Variants in MSRA observed in about 807,000 individuals in gnomAD.
MSRA encodes mitochondrial peptide methionine sulfoxide reductase.
In MSRA, 54 loss-of-function variants were observed where a neutral mutation model predicts 31.3. The observed-to-expected ratio is 1.73, with a 90% confidence interval of 1.39 to 2.17. The LOEUF is 2.17. MSRA is among the 30% of genes most tolerant of loss of function. The pLI is 0.00. For synonymous variants in MSRA, 169 were observed against 116.5 expected, an observed-to-expected ratio of 1.45 and a Z score of -2.90; for missense variants, 507 against 300.9, an observed-to-expected ratio of 1.69 and a Z score of -5.07.
chr8:10,266,209 C>G (rs1223880561), intron 3 of MSRA, among the ~76,000 whole-genome samples: 1 of 152,226 alleles, frequency 6.6e-6, no homozygotes, highest in Non-Finnish European at 1.5e-5. Context: ...ATATTCCCAT[C>G]AGCAGTGTAC....
intron 1 of MSRA, among the ~76,000 whole-genome samples, chr8:10,084,365 C>T (rs1006928023): frequency 4.6e-5 from 7 of 152,372 alleles, no homozygotes; most frequent in Admixed American, 1.3e-4. Context: ...GACCCCTGCC[C>T]GGCTCCACTG....
intron 3 of MSRA, among the ~76,000 whole-genome samples, chr8:10,281,867 G>C (rs1404893612): frequency 6.6e-6 from 1 of 152,136 alleles, no homozygotes; most frequent in South Asian, 2.1e-4. Context: ...CAATAGTGAC[G>C]GCTTCTTAGC....
rs1809349119 is a variant in MSRA, at chr8:10,428,584, A to T, written c.*272A>T. 5.0e-6 allele frequency: 2 copies of T among 401,392 alleles called. No individual in the cohort carries two copies. The highest frequency in any genetic ancestry group is 1.3e-4 in the East Asian group (2 of 15,882). 24.9% of individuals were successfully genotyped at this position (401,392 alleles called of 1,614,324 possible). On this transcript the variant is annotated 3_prime_UTR_variant, in exon 6 of 6. Coordinates refer to ENST00000317173, the MANE Select transcript of MSRA (RefSeq NM_012331.5). ...TGAAGATAGCAGGGATGCTGTGTTC[A>T]CCCTTCTTGGTAGAAGCTAAGGTGT...
At chr8:10,141,255 A>G (rs1017270650) in intron 1 of MSRA, among the ~76,000 whole-genome samples, 2 of 152,184 alleles carry the variant, frequency 1.3e-5, no homozygotes, top group African/African-American at 4.8e-5. Context: ...CTCACGCCTT[A>G]TAATCCTCAC....
At chr8:10,177,644 C>T (rs1182192894) in intron 1 of MSRA, among the ~76,000 whole-genome samples, 4 of 152,098 alleles carry the variant, frequency 2.6e-5, no homozygotes, top group Non-Finnish European at 4.4e-5. Flanking sequence ...ATGATGTATA[C>T]CATTAAGGAA....
intron 5 of MSRA, among the ~76,000 whole-genome samples, chr8:10,341,615 G>C (rs750359039): frequency 3.9e-5 from 6 of 152,156 alleles, no homozygotes; most frequent in Admixed American, 1.3e-4. Context: ...TAGTGGATTA[G>C]TACTTAGTCT....
chr8:10,099,807 G>A (rs1585143719), intron 1 of MSRA, among the ~76,000 whole-genome samples: 1 of 152,182 alleles, frequency 6.6e-6, no homozygotes, highest in East Asian at 1.9e-4. Flanking sequence ...GGTGTGGGGT[G>A]GCCCTGGACA....
At chr8:10,172,361 G>C (rs181472611) in intron 1 of MSRA, among the ~76,000 whole-genome samples, 1 of 152,250 alleles carries the variant, frequency 6.6e-6, no homozygotes, top group East Asian at 1.9e-4. Context: ...GGGACTGGTA[G>C]GAAGGACATG....
At chr8:10,065,976 TATATATAAA>T (rs1316778032) in intron 1 of MSRA, among the ~76,000 whole-genome samples, 5 of 149,190 alleles carry the variant, frequency 3.4e-5, no homozygotes, top group Non-Finnish European at 5.9e-5. Flanking sequence ...ACTTCAATTA[TATATATAAA>T]ATATATAAAA....
At chr8:10,161,959 G>T (rs1173964871) in intron 1 of MSRA, among the ~76,000 whole-genome samples, 1 of 152,156 alleles carries the variant, frequency 6.6e-6, no homozygotes, top group African/African-American at 2.4e-5. Flanking sequence ...CTGAATACAA[G>T]AGCGCACTGC....
At chr8:10,312,620 A>G (rs1801494560) in intron 4 of MSRA, among the ~76,000 whole-genome samples, 1 of 152,236 alleles carries the variant, frequency 6.6e-6, no homozygotes, top group Non-Finnish European at 1.5e-5. Context: ...GGACAATCTT[A>G]CTTATGACTA....
chr8:10,270,989 T>G (rs1799005027), intron 3 of MSRA, among the ~76,000 whole-genome samples: 1 of 151,988 alleles, frequency 6.6e-6, no homozygotes, highest in African/African-American at 2.4e-5. Flanking sequence ...TTATTTTATT[T>G]CAAACCCTCA....
At chr8:10,171,075 A>G (rs1301459860) in intron 1 of MSRA, among the ~76,000 whole-genome samples, 2 of 152,118 alleles carry the variant, frequency 1.3e-5, no homozygotes, top group Non-Finnish European at 2.9e-5. Flanking sequence ...GAGCACTGTC[A>G]TTTTTACTTT....
chr8:10,121,844 ATTTTTTTTT>A (rs35572639), intron 1 of MSRA, among the ~76,000 whole-genome samples: 2 of 146,818 alleles, frequency 1.4e-5, no homozygotes, highest in Non-Finnish European at 3.0e-5. Context: ...CTAATTTTTA[ATTTTTTTTT>A]TTTTTTTGGT....
At chr8:10,082,371 C>A (rs1440508447) in intron 1 of MSRA, among the ~76,000 whole-genome samples, 1 of 152,136 alleles carries the variant, frequency 6.6e-6, no homozygotes, top group Admixed American at 6.5e-5. Context: ...CTGGTTATTC[C>A]TGCTGCCAAG....
chr8:10,119,510 G>A (rs553263364), intron 1 of MSRA, among the ~76,000 whole-genome samples: 37 of 152,298 alleles, frequency 2.4e-4, no homozygotes, highest in Non-Finnish European at 5.3e-4. Context: ...AGCAACCAGG[G>A]CGCAAGGTAT....
intron 5 of MSRA, among the ~76,000 whole-genome samples, chr8:10,330,997 A>G (rs776584968): frequency 6.6e-6 from 1 of 152,172 alleles, no homozygotes; most frequent in African/African-American, 2.4e-5. Flanking sequence ...TGCTGTCCTT[A>G]TACGAAGAGA....
rs562693133 is a variant in MSRA, at chr8:10,221,637, T to G, written c.211+13736T>G. Among the ~76,000 whole-genome samples, 26 of 152,220 alleles carry G rather than the reference T, an allele frequency of 1.7e-4. 1 individual carries two copies. The South Asian group carries it at 5.2e-3, about 30-fold the overall frequency. Reference sequence around the variant, plus strand: ...GAAACAAACAAAAATCTCTAGCAGCTTATACTCCAGTAGGGTGGGACAGAA... The same window carrying G: ...GAAACAAACAAAAATCTCTAGCAGCGTATACTCCAGTAGGGTGGGACAGAA... On this transcript the variant is annotated intron_variant, in intron 2 of 5. Transcript: ENST00000317173.
At chr8:10,404,886 G>C (rs12674649) in intron 5 of MSRA, among the ~76,000 whole-genome samples, 19,029 of 152,174 alleles carry the variant, frequency 0.13, 2,000 homozygotes, top group East Asian at 0.45. Context: ...TTGCTAGTGT[G>C]TGTGGTAAGC....
Sources: allele counts gnomAD v4.1 joint callset (sites outside exome capture counted in the v4.1 genomes callset), GRCh38; gene constraint gnomAD v4.1.1; transcripts MANE v1.5; gene names NCBI Gene and HGNC (gene_info 2026-07-23, HGNC 2026-07-21).